NUDC: variants seen among roughly 807,000 people sequenced by gnomAD.
The protein encoded by NUDC is nuclear distribution C, dynein complex regulator.
A neutral mutation model predicts 45.0 loss-of-function variants in NUDC; 14 were observed. The observed-to-expected ratio is 0.31, with a 90% confidence interval of 0.21 to 0.49. The LOEUF (loss-of-function observed/expected upper bound fraction) is 0.49. NUDC is among the 20% of genes least tolerant of loss of function. NUDC has a pLI of 0.99. For missense variants in NUDC, 323 were observed against 426.2 expected (o/e 0.76, Z 2.13); for synonymous variants, 153 against 156.7 (o/e 0.98, Z 0.17).
At chr1:26,936,277 T>A (rs1441721902) in intron 2 of NUDC, among the ~76,000 whole-genome samples, 1 of 119,260 alleles carries the variant, frequency 8.4e-6, no homozygotes, top group Non-Finnish European at 1.7e-5. Flanking sequence ...ACAACATCTG[T>A]CTCCTGGGTT....
In NUDC at chr1:26,928,711, C is replaced by G. The variant is rs115659048; in HGVS notation, c.159+4545C>G. ...GACTTTGTTTCCAAAACAAAACCCA[C>G]AATGAGATACTATTTCACATCTGTT... On this transcript the variant is annotated intron_variant, in intron 2 of 8. Transcript: ENST00000321265. Among the ~76,000 whole-genome samples, 1,253 of 152,096 alleles carry G rather than the reference C, an allele frequency of 8.2e-3. 14 individuals carry two copies. Among genetic ancestry groups the G allele is most frequent in the African/African-American group, 0.028 (1,175 of 41,480 alleles).
At chr1:26,903,867 T>C (rs112961204) in intron 2 of NUDC, among the ~76,000 whole-genome samples, 3 of 150,614 alleles carry the variant, frequency 2.0e-5, no homozygotes, top group Non-Finnish European at 4.4e-5. Flanking sequence ...AAAAATTAGC[T>C]GGGCGTGGTG....
upstream of NUDC, among the ~76,000 whole-genome samples, chr1:26,920,064 A>T (rs536500299): frequency 2.0e-5 from 3 of 152,286 alleles, no homozygotes; most frequent in African/African-American, 7.2e-5. Context: ...ACCAAAAGAG[A>T]AACCTAAAGG....
At chr1:26,906,356 T>C (rs1177080274) in intron 2 of NUDC, among the ~76,000 whole-genome samples, 1 of 150,550 alleles carries the variant, frequency 6.6e-6, no homozygotes, top group Non-Finnish European at 1.5e-5. Flanking sequence ...CTCGGGAAAC[T>C]GAGGCACAAG....
intron 4 of NUDC, among the ~76,000 whole-genome samples, 192 bp from the exon 5 acceptor site, chr1:26,942,468 T>A (rs1438129944): frequency 6.6e-6 from 1 of 152,184 alleles, no homozygotes; most frequent in Admixed American, 6.5e-5. Flanking sequence ...CAGACTGAGA[T>A]CAGAACCAAG....
At chr1:26,937,575 A>G (rs1476957370) in intron 2 of NUDC, among the ~76,000 whole-genome samples, 4 of 151,502 alleles carry the variant, frequency 2.6e-5, no homozygotes, top group Non-Finnish European at 5.9e-5. Flanking sequence ...GAGCCACTGT[A>G]CCTGGTAAAC....
chr1:26,900,164 G>A (rs774548802), upstream of NUDC: 3 of 1,614,048 alleles, frequency 1.9e-6, no homozygotes, highest in East Asian at 2.2e-5. Context: ...TTGGAGTAGA[G>A]TCTCGAGTGG....
chr1:26,946,230 A>G lies in NUDC; in HGVS notation c.*49A>G. ...TCTTGGGGCTGAGCTGCAACCACCC[A>G]ACTTTCTTTCCCACTCTTCTCTGGG... On this transcript the variant is annotated 3_prime_UTR_variant, in exon 9 of 9. Transcript: ENST00000321265. 1 of 1,527,064 alleles carries G rather than the reference A, an allele frequency of 6.5e-7. No homozygotes were observed. Among genetic ancestry groups the G allele is most frequent in the South Asian group, 1.1e-5 (1 of 89,334 alleles). 94.6% of individuals were successfully genotyped at this position (1,527,064 alleles called of 1,614,324 possible).
chr1:26,931,794 C>T (rs1202325144), intron 2 of NUDC, among the ~76,000 whole-genome samples: 1 of 150,586 alleles, frequency 6.6e-6, no homozygotes, highest in African/African-American at 2.4e-5. Context: ...AAAGAGATTT[C>T]TCCTGCCTCA....
intron 3 of NUDC, chr1:26,912,179 C>T: frequency 6.7e-7 from 1 of 1,500,104 alleles, no homozygotes; most frequent in South Asian, 1.2e-5. Flanking sequence ...ATCAGAGACA[C>T]CCCTCTGCCT....
Position 26,946,249 on chromosome 1 carries a change from C to G in NUDC, c.*68C>G. ...CCACCCAACTTTCTTTCCCACTCTT[C>G]TCTGGGACTTGTGGGCCTCAGGGCT... On this transcript the variant is annotated 3_prime_UTR_variant, in exon 9 of 9. Transcript: ENST00000321265. 2 of 1,394,590 alleles carry G rather than the reference C, an allele frequency of 1.4e-6. No homozygotes were observed. Among genetic ancestry groups the G allele is most frequent in the Non-Finnish European group, 2.0e-6 (2 of 981,926 alleles). 86.4% of individuals were successfully genotyped at this position (1,394,590 alleles called of 1,614,324 possible). A position where few individuals can be genotyped will look rare whatever the true frequency, so the allele number is the denominator to read the frequency against.
At chr1:26,913,622 A>C (rs769785138) in intron 3 of NUDC, 1 of 1,614,010 alleles carries the variant, frequency 6.2e-7, no homozygotes, top group Admixed American at 1.7e-5. Flanking sequence ...GCCACCTCAA[A>C]GGTCACAGCA....
chr1:26,907,348 A>C (rs1469236648), intron 2 of NUDC, among the ~76,000 whole-genome samples: 3 of 152,204 alleles, frequency 2.0e-5, no homozygotes, highest in African/African-American at 4.8e-5. Flanking sequence ...ATCACTCTGC[A>C]TTACAATTAC....
Position 26,946,633 on chromosome 1 carries a change from C to T in NUDC, c.*452C>T, listed in dbSNP as rs753768151. The stretch of plus-strand genomic sequence containing the variant: ...TTGGGAGGCTGAGGGGAGCAGATCA[C>T]CTGATGTCAGGAGTTTGAGACCAGC... On this transcript the variant is annotated 3_prime_UTR_variant, in exon 9 of 9. Coordinates refer to ENST00000321265, the MANE Select transcript of NUDC (RefSeq NM_006600.4). 10 of 229,794 alleles carry T rather than the reference C, an allele frequency of 4.4e-5. No homozygotes were observed. The highest frequency in any genetic ancestry group is 1.0e-4 in the Admixed American group (2 of 19,400). 14.2% of individuals were successfully genotyped at this position (229,794 alleles called of 1,614,324 possible).
chr1:26,901,551 C>A (rs1011092434), intron 1 of NUDC, among the ~76,000 whole-genome samples: 9 of 151,864 alleles, frequency 5.9e-5, no homozygotes, highest in African/African-American at 2.2e-4. Flanking sequence ...ACTACAGGTG[C>A]GTGCCACCAC....
intron 6 of NUDC, among the ~76,000 whole-genome samples, chr1:26,943,350 G>GGT (rs1373213082): frequency 6.6e-6 from 1 of 152,134 alleles, no homozygotes; most frequent in South Asian, 2.1e-4. Flanking sequence ...TAAGACTACA[G>GGT]GTGTACACCA....
chr1:26,905,609 A>G (rs2081999871), intron 2 of NUDC, among the ~76,000 whole-genome samples: 1 of 150,964 alleles, frequency 6.6e-6, no homozygotes, highest in Admixed American at 6.9e-5. Flanking sequence ...TTTGAAAAGT[A>G]TATTTATTCA....
intron 2 of NUDC, among the ~76,000 whole-genome samples, chr1:26,908,414 G>T (rs1469937963): frequency 6.6e-6 from 1 of 152,158 alleles, no homozygotes; most frequent in Non-Finnish European, 1.5e-5. Flanking sequence ...TGCCATATTT[G>T]TCTTTATGTT....
In NUDC at chr1:26,921,757, A is replaced by G. The variant is rs1168894026; in HGVS notation, c.-92A>G. On this transcript the variant is annotated 5_prime_UTR_variant, in exon 1 of 9. Coordinates refer to ENST00000321265, the MANE Select transcript of NUDC (RefSeq NM_006600.4). ...CCGGCTCCGCTGCGGAAGGCGGACG[A>G]CTAGAGTCGTTGGGCCCGGCGCGAC... 6 of 1,364,616 alleles carry G rather than the reference A, an allele frequency of 4.4e-6. No homozygotes were observed. The highest frequency in any genetic ancestry group is 2.5e-5 in the East Asian group (1 of 39,790). 84.5% of individuals were successfully genotyped at this position (1,364,616 alleles called of 1,614,324 possible).
Sources: allele counts gnomAD v4.1 joint callset (sites outside exome capture counted in the v4.1 genomes callset), GRCh38; gene constraint gnomAD v4.1.1; transcripts MANE v1.5; gene names NCBI Gene and HGNC (gene_info 2026-07-23, HGNC 2026-07-21).